Variants in WNT7B observed in about 807,000 individuals in gnomAD.
The protein encoded by WNT7B is protein Wnt-7b.
Under a neutral mutation model 38.2 loss-of-function variants are expected in WNT7B, and 19 were observed. The ratio of observed to expected loss-of-function variants is 0.50; its 90% CI spans 0.35 to 0.73. WNT7B has a LOEUF of 0.73. WNT7B is among the 30% of genes least tolerant of loss of function. WNT7B has a pLI of 0.01. For synonymous variants in WNT7B, 243 were observed against 209.3 expected (o/e 1.16, Z -1.39); for missense variants, 423 against 507.9 (o/e 0.83, Z 1.61).
intron 1 of WNT7B, among the ~76,000 whole-genome samples, chr22:45,952,869 C>T (rs1931966970): frequency 6.6e-6 from 1 of 152,250 alleles, no homozygotes; most frequent in Non-Finnish European, 1.5e-5. Flanking sequence ...AGGGGACCGT[C>T]CCAGCCCCTG....
In WNT7B at chr22:45,970,360, G is replaced by A. The variant is rs561760231; in HGVS notation, c.71+6324C>T. Among the ~76,000 whole-genome samples, 7 of 152,316 alleles carry A rather than the reference G, an allele frequency of 4.6e-5. No homozygotes were observed. The South Asian group carries it at 1.0e-3, about 23-fold the overall frequency. On this transcript the variant is annotated intron_variant, in intron 1 of 3. Transcript: ENST00000339464. ...TGCACACTCCAGGAGCAAGCCTGGC[G>A]GGGGTAGTCACTGCAGGCCCGGATG... is the stretch of plus-strand genomic sequence containing the variant.
rs1930894393 is a variant in WNT7B at position 45,920,600 on chromosome 22, G to A, written c.*2256C>T. 2 of 145,368 alleles carry A rather than the reference G, an allele frequency of 1.4e-5. No individual in the cohort carries two copies. Among genetic ancestry groups the A allele is most frequent in the Non-Finnish European group, 3.0e-5 (2 of 65,850 alleles). The allele number at this position is 145,368 out of a possible 1,614,324, so 9.0% of individuals were successfully genotyped here. ...TCTCGGTGGCATCAGGGGCCCCAAGGGTCTGTTGAAGCAGGAGGAGCCTGG... is the reference window on the plus strand; with the variant it reads ...TCTCGGTGGCATCAGGGGCCCCAAGAGTCTGTTGAAGCAGGAGGAGCCTGG... On this transcript the variant is annotated 3_prime_UTR_variant, in exon 4 of 4. Transcript: ENST00000339464.
intron 2 of WNT7B, among the ~76,000 whole-genome samples, chr22:45,948,877 C>T (rs1931860736): frequency 8.2e-6 from 1 of 122,018 alleles, no homozygotes; most frequent in Non-Finnish European, 1.6e-5. Flanking sequence ...CAGAGTCTTG[C>T]TCTTTTACGC....
rs369428237 is a variant in WNT7B, at chr22:45,961,768, C to T, written c.72-11622G>A. ...TGTAGTGAGGGGCTGAGGTGACAAT[C>T]TGGGTACCTGCAGCTGTGTCCTAAA... On this transcript the variant is annotated intron_variant, in intron 1 of 3. Transcript: ENST00000339464. 1.4e-3 allele frequency among the ~76,000 whole-genome samples: 214 copies of T among 152,350 alleles called. 8 individuals carry two copies. In the South Asian group the frequency reaches 0.042, roughly 30 times the overall value.
intron 1 of WNT7B, among the ~76,000 whole-genome samples, chr22:45,950,502 G>A (rs904728102): frequency 3.9e-5 from 6 of 152,238 alleles, no homozygotes; most frequent in South Asian, 2.1e-4. Flanking sequence ...TGTGGCAGCC[G>A]CCAACTCGGG....
At chr22:45,970,103 G>C (rs1035076137) in intron 1 of WNT7B, among the ~76,000 whole-genome samples, 7 of 152,214 alleles carry the variant, frequency 4.6e-5, no homozygotes, top group African/African-American at 1.7e-4. Flanking sequence ...AACCGGGCAA[G>C]GGAAATCTGA....
chr22:45,929,588 C>A (rs1037240749), intron 3 of WNT7B, among the ~76,000 whole-genome samples: 3 of 141,526 alleles, frequency 2.1e-5, no homozygotes, highest in Non-Finnish European at 4.6e-5. Context: ...ATACTTCCAT[C>A]CATTCATGCA....
rs9723267 is a variant in WNT7B at position 45,969,677 on chromosome 22, G to A, written c.71+7007C>T. Among the ~76,000 whole-genome samples, 6 of 152,202 alleles carry A rather than the reference G, an allele frequency of 3.9e-5. No individual in the cohort carries two copies. In the South Asian group the frequency reaches 6.2e-4, roughly 16 times the overall value. The stretch of plus-strand genomic sequence containing the variant: ...ATCAGTGGCAGGGGCCCAGGCATGC[G>A]TCTGGGATTCGGTGTGCACCGACCA... On this transcript the variant is annotated intron_variant, in intron 1 of 3. Coordinates refer to ENST00000339464, the MANE Select transcript of WNT7B (RefSeq NM_058238.3).
rs1388861535 is a variant in WNT7B at position 45,966,874 on chromosome 22, T to C, written c.71+9810A>G. Among the ~76,000 whole-genome samples the C allele has an allele frequency of 6.6e-6, 1 of 152,206 alleles. No homozygotes were observed. The highest frequency in any genetic ancestry group is 1.5e-5 in the Non-Finnish European group (1 of 68,040). On this transcript the variant is annotated intron_variant, in intron 1 of 3. Transcript: ENST00000339464. This position sits in a 1 kb window ranked among gnomAD's most constrained non-coding sequence, Gnocchi z 4.2. ...GCTTGCACAGAGAACCTGTGAGCGC[T>C]GCTTCTCTGCCCAGGCAGGGACCCT...
At chr22:45,972,116 G>GGGGGCCCCCCCCCCCCCCCCCCCC in intron 1 of WNT7B, 2 of 530,730 alleles carry the variant, frequency 3.8e-6, no homozygotes, top group Admixed American at 4.1e-5. Flanking sequence ...CCCGGGGGGA[G>GGGGGCCCCCCCCCCCCCCCCCCCC]CCCACCCGCC....
At chr22:45,935,845 A>G (rs1931501788) in intron 2 of WNT7B, 3 of 985,414 alleles carry the variant, frequency 3.0e-6, no homozygotes, top group South Asian at 9.4e-5. Flanking sequence ...ATCTGAGCTC[A>G]GCAGCTGCCC....
intron 1 of WNT7B, among the ~76,000 whole-genome samples, chr22:45,952,396 G>T (rs763071853): frequency 5.3e-5 from 8 of 152,172 alleles, no homozygotes; most frequent in African/African-American, 1.2e-4. Context: ...GACCTCCCTG[G>T]GTCTCCCATG....
At chr22:45,961,593 C>T (rs1601738408) in intron 1 of WNT7B, among the ~76,000 whole-genome samples, 2 of 150,980 alleles carry the variant, frequency 1.3e-5, no homozygotes, top group East Asian at 3.9e-4. Context: ...GGCAGTGCAT[C>T]CTTAGAGGAG....
chr22:45,926,114 C>T (rs62226027), intron 3 of WNT7B: 103,249 of 985,358 alleles, frequency 0.1, 6,502 homozygotes, highest in East Asian at 0.43. Flanking sequence ...CCGCTGCTTG[C>T]AGAGCGAGGG....
intron 1 of WNT7B, among the ~76,000 whole-genome samples, chr22:45,973,394 C>T (rs1336529350): frequency 1.3e-5 from 2 of 152,152 alleles, no homozygotes; most frequent in Admixed American, 1.3e-4. Flanking sequence ...GCGGTCTGGC[C>T]CGTCGTCCTG....
chr22:45,922,834 G>T lies in WNT7B; in HGVS notation c.*22C>A, dbSNP rs758319832. 6.3e-7 allele frequency: 1 copy of T among 1,576,998 alleles called. No homozygotes were observed. The highest frequency in any genetic ancestry group is 8.6e-7 in the Non-Finnish European group (1 of 1,157,844). On this transcript the variant is annotated 3_prime_UTR_variant, in exon 4 of 4. Transcript: ENST00000339464. ...AATGCCGCCGGGTTCCAGGGTGCCC[G>T]CGGCCGCCTCCGGGCCTGGCCTCAC...
At chr22:45,972,116 G>GGGGGGCCCCCCCC in intron 1 of WNT7B, 13 of 530,704 alleles carry the variant, frequency 2.4e-5, no homozygotes, top group East Asian at 7.4e-5. Flanking sequence ...CCCGGGGGGA[G>GGGGGGCCCCCCCC]CCCACCCGCC....
chr22:45,937,781 A>G (rs1931548697), intron 2 of WNT7B, among the ~76,000 whole-genome samples: 1 of 152,250 alleles, frequency 6.6e-6, no homozygotes, highest in South Asian at 2.1e-4. Context: ...AGGCTGAAGC[A>G]GGTGGATCAC....
At chr22:45,942,257 T>C (rs968769792) in intron 2 of WNT7B, among the ~76,000 whole-genome samples, 7 of 152,100 alleles carry the variant, frequency 4.6e-5, no homozygotes, top group African/African-American at 1.7e-4. Context: ...GGACTCAAAG[T>C]GGCTGTTGGG....
Sources: gnomAD v4.1 joint callset for allele counts (sites outside exome capture counted in the v4.1 genomes callset) on GRCh38, gnomAD v4.1.1 for gene constraint, Gnocchi (gnomAD v3.1) non-coding constraint, MANE v1.5 for transcripts, NCBI Gene and HGNC (gene_info 2026-07-23, HGNC 2026-07-21) for gene names.